SP140: variants seen among roughly 807,000 people sequenced by gnomAD.
SP140 encodes the protein SP140 nuclear body protein.
Under a neutral mutation model 125.0 loss-of-function variants are expected in SP140, and 81 were observed. That is an observed-to-expected ratio of 0.65 (90% CI 0.54 to 0.78). SP140 has a LOEUF of 0.78. Among genes scored for constraint, SP140 ranks in the 30% least tolerant of loss-of-function variants. SP140 has a pLI of 0.00. For synonymous variants in SP140, 312 were observed against 354.0 expected (o/e 0.88, Z 1.33); for missense variants, 858 against 1,037.0 (o/e 0.83, Z 2.37).
At chr2:230,264,117 G>C (rs1347881308) in intron 12 of SP140, among the ~76,000 whole-genome samples, 1 of 151,864 alleles carries the variant, frequency 6.6e-6, no homozygotes, top group Non-Finnish European at 1.5e-5. Flanking sequence ...TTATTCTTAG[G>C]TTTGGTCATT....
intron 3 of SP140, chr2:230,216,885 G>A: frequency 6.2e-7 from 1 of 1,613,994 alleles, no homozygotes; most frequent in South Asian, 1.1e-5. Flanking sequence ...TGCATGAAGT[G>A]CTGAAAAAGA....
chr2:230,220,149 G>T, intron 3 of SP140: 1 of 907,300 alleles, frequency 1.1e-6, no homozygotes, highest in Non-Finnish European at 1.3e-6. Flanking sequence ...TTGGGGTTTG[G>T]GGGAGGGCGT....
chr2:230,194,929 G>A, the SP140 span, among the ~76,000 whole-genome samples: 1 of 152,180 alleles, frequency 6.6e-6, no homozygotes, highest in Admixed American at 6.5e-5. Context: ...TAGGGGACAA[G>A]GTTGGGGCTG....
intron 1 of SP140, among the ~76,000 whole-genome samples, chr2:230,229,386 G>A (rs1048630079): frequency 4.7e-5 from 7 of 149,520 alleles, no homozygotes; most frequent in African/African-American, 1.7e-4. Context: ...TTCTTCTCTG[G>A]TGCTCTTTCT....
chr2:230,290,701 A>G, intron 19 of SP140, 137 bp downstream of exon 19: 1 of 701,446 alleles, frequency 1.4e-6, no homozygotes, highest in Non-Finnish European at 2.4e-6. Context: ...AGGGATTTCT[A>G]AGATGACGTT....
At chr2:230,243,926 T>G (rs2049052487) in intron 5 of SP140, 115 bp downstream of exon 5, 2 of 704,822 alleles carry the variant, frequency 2.8e-6, no homozygotes, top group South Asian at 3.3e-5. Flanking sequence ...AAAAGATCCA[T>G]TTTGTCCTTG....
At chr2:230,190,173 G>A in the SP140 span, among the ~76,000 whole-genome samples, 1 of 152,142 alleles carries the variant, frequency 6.6e-6, no homozygotes, top group African/African-American at 2.4e-5. Flanking sequence ...CCCACCAACA[G>A]TGTAAAAGTA....
At chr2:230,291,520 T>TA (rs1333392205) in intron 19 of SP140, among the ~76,000 whole-genome samples, 1 of 152,244 alleles carries the variant, frequency 6.6e-6, no homozygotes, top group Non-Finnish European at 1.5e-5. Flanking sequence ...AATCCTATAA[T>TA]ACATGCCCTT....
chr2:230,231,583 C>A (rs1309528249), intron 1 of SP140, among the ~76,000 whole-genome samples: 1 of 151,922 alleles, frequency 6.6e-6, no homozygotes, highest in Non-Finnish European at 1.5e-5. Flanking sequence ...TATACAGGAA[C>A]CCTGTTGATG....
rs2044368354 is a variant in SP140 at position 230,210,675 on chromosome 2, AAGAC to A, written c.-322-2975_-322-2972del. On this transcript the variant is annotated intron_variant, in intron 1 of 4. Coordinates refer to the SP140 transcript ENST00000456542. ...TCTGCTAGTTTTTGCTGCACAAAGAAAGACAGAGAACTTGAAGCCATAACAAATA... is the reference window on the plus strand; with the variant it reads ...TCTGCTAGTTTTTGCTGCACAAAGAAAGAGAACTTGAAGCCATAACAAATA... Among the ~76,000 whole-genome samples the A allele has an allele frequency of 2.0e-5, 3 of 152,230 alleles. No individual in the cohort carries two copies. In the South Asian group the frequency reaches 6.2e-4, roughly 32 times the overall value.
At chr2:230,198,077 C>G in the SP140 span, among the ~76,000 whole-genome samples, 1 of 152,224 alleles carries the variant, frequency 6.6e-6, no homozygotes, top group Non-Finnish European at 1.5e-5. Flanking sequence ...GTGTATTTCT[C>G]TATCACATGA....
chr2:230,247,679 T>C (rs761851511), intron 7 of SP140, among the ~76,000 whole-genome samples: 1 of 152,184 alleles, frequency 6.6e-6, no homozygotes, highest in African/African-American at 2.4e-5. Context: ...ATCTATTTTT[T>C]CCCCCAGGGC....
intron 12 of SP140, among the ~76,000 whole-genome samples, chr2:230,258,673 G>A (rs190851343): frequency 3.3e-5 from 5 of 152,278 alleles, no homozygotes; most frequent in Admixed American, 2.6e-4. Flanking sequence ...CCTGGAAAAC[G>A]TGGCTTTCCC....
rs553731225 is a variant in SP140 at position 230,241,368 on chromosome 2, G to A, written c.407-36G>A. The stretch of plus-strand genomic sequence containing the variant: ...CACTGAGGTCTCTCCTCTGGTCACT[G>A]TCTGAGTTTGGTAATTTTCACATTG... On this transcript the variant is annotated intron_variant, in intron 3 of 26. Coordinates refer to ENST00000392045, the MANE Select transcript of SP140 (RefSeq NM_007237.5). The A allele has an allele frequency of 5.3e-6, 7 of 1,317,110 alleles. No homozygotes were observed. The Admixed American group carries it at 8.4e-5, about 16-fold the overall frequency. The allele number at this position is 1,317,110 out of a possible 1,614,324, so 81.6% of individuals were successfully genotyped here.
At position 230,248,219 on chromosome 2, in the gene SP140, A is replaced by G. The variant is rs141443753; in HGVS notation, c.892+154A>G. Among the ~76,000 whole-genome samples, 181 of 152,314 alleles carry G rather than the reference A, an allele frequency of 1.2e-3. 1 individual carries two copies. Among genetic ancestry groups the G allele is most frequent in the African/African-American group, 3.9e-3 (163 of 41,550 alleles). ...TACCCTCACAAAATCTTTAACATCG[A>G]TATGCAAACAGCTGTATGTCTATCT... is the stretch of plus-strand genomic sequence containing the variant. On this transcript the variant is annotated intron_variant, in intron 8 of 26. Transcript: ENST00000392045.
At chr2:230,307,785 G>A (rs1022282809) in intron 22 of SP140, among the ~76,000 whole-genome samples, 1 of 151,896 alleles carries the variant, frequency 6.6e-6, no homozygotes, top group Non-Finnish European at 1.5e-5. Context: ...CAGCCTGCCA[G>A]GCCAAGTGGG....
At chr2:230,210,085 C>G (rs2044299334) in intron 1 of SP140, 8 of 888,140 alleles carry the variant, frequency 9.0e-6, no homozygotes, top group Middle Eastern at 2.6e-4. Context: ...AATGCAAGAA[C>G]TAGAAAAGTA....
At chr2:230,205,577 T>C (rs72982416) in intron 1 of SP140, among the ~76,000 whole-genome samples, 19,171 of 152,212 alleles carry the variant, frequency 0.13, 1,370 homozygotes, top group South Asian at 0.27. Flanking sequence ...GTTTTTTGCT[T>C]ACTTTCTTAC....
chr2:230,255,872 A>G (rs896129965), intron 12 of SP140, among the ~76,000 whole-genome samples: 1 of 152,084 alleles, frequency 6.6e-6, no homozygotes, highest in African/African-American at 2.4e-5. Flanking sequence ...ATTTTACCAA[A>G]TAAGATCTCT....
Sources: gnomAD v4.1 joint callset for allele counts (sites outside exome capture counted in the v4.1 genomes callset) on GRCh38, gnomAD v4.1.1 for gene constraint, MANE v1.5 for transcripts, NCBI Gene and HGNC (gene_info 2026-07-23, HGNC 2026-07-21) for gene names.